The following ACADM variants were observed in gnomAD, a reference collection of about 807,000 sequenced individuals.
ACADM encodes acyl-CoA dehydrogenase medium chain.
A neutral mutation model predicts 58.9 loss-of-function variants in ACADM; 49 were observed. That is an observed-to-expected ratio of 0.83 (90% CI 0.66 to 1.06). The LOEUF is 1.06. Ranked by LOEUF, ACADM falls within the 50% of genes least tolerant of loss-of-function variation. The probability of loss-of-function intolerance (pLI) is 0.00; values close to 1 mark genes in which losing one functional copy is unlikely to be tolerated. For missense variants in ACADM, 496 were observed against 507.0 expected (o/e 0.98, Z 0.21); for synonymous variants, 160 against 157.7 (o/e 1.01, Z -0.11).
At position 75,724,972 on chromosome 1, in the gene ACADM, T is replaced by G. The variant is rs1008307621; in HGVS notation, c.30+155T>G. 2.6e-5 allele frequency among the ~76,000 whole-genome samples: 4 copies of G among 152,080 alleles called. No homozygotes were observed. The East Asian group carries it at 7.7e-4, about 29-fold the overall frequency. ...GGGGCCCCCAACCTGCTTTCACGCC[T>G]CCTACCACCGGACGGAACGTAGCCT... On this transcript the variant is annotated intron_variant, in intron 1 of 11. Coordinates refer to ENST00000370841, the MANE Select transcript of ACADM (RefSeq NM_000016.6).
intron 9 of ACADM, 75 bp downstream of exon 9, chr1:75,749,634 T>A: frequency 1.5e-6 from 2 of 1,355,066 alleles, no homozygotes; most frequent in Middle Eastern, 2.4e-4. Flanking sequence ...ACTTTAAAAT[T>A]GTATGTTCAG....
At chr1:75,737,999 C>A (rs1647362643) in intron 6 of ACADM, among the ~76,000 whole-genome samples, 1 of 152,118 alleles carries the variant, frequency 6.6e-6, no homozygotes, top group African/African-American at 2.4e-5. Context: ...CCACTGCAAC[C>A]TCTGCCTCCC....
intron 5 of ACADM, 52 bp downstream of exon 5, chr1:75,733,680 G>C (rs771854404): frequency 7.1e-7 from 1 of 1,412,176 alleles, no homozygotes; most frequent in African/African-American, 1.4e-5. Flanking sequence ...TAATGAGATA[G>C]TTACTCCTGA....
At chr1:75,753,795 C>CTTTTTTTCTTTTTTTTTTTTTTT (rs1648335684) in intron 10 of ACADM, among the ~76,000 whole-genome samples, 2 of 81,904 alleles carry the variant, frequency 2.4e-5, no homozygotes, top group African/African-American at 1.2e-4. Context: ...CTGATAGCTT[C>CTTTTTTTCTTTTTTTTTTTTTTT]TTTTTTTTTT....
At chr1:75,739,747 C>T (rs1261928870) in intron 6 of ACADM, among the ~76,000 whole-genome samples, 2 of 152,188 alleles carry the variant, frequency 1.3e-5, no homozygotes, top group African/African-American at 4.8e-5. Context: ...GCCAAGACTG[C>T]ATTGAGCCTC....
At chr1:75,755,862 G>T (rs1648476042) in intron 10 of ACADM, among the ~76,000 whole-genome samples, 1 of 152,148 alleles carries the variant, frequency 6.6e-6, no homozygotes, top group South Asian at 2.1e-4. Flanking sequence ...ACATCAAAAA[G>T]CTTATCCACC....
At chr1:75,748,278 T>TA (rs1648009945) in intron 8 of ACADM, among the ~76,000 whole-genome samples, 1 of 152,210 alleles carries the variant, frequency 6.6e-6, no homozygotes, top group African/African-American at 2.4e-5. Flanking sequence ...ACATGCCTGT[T>TA]ACAACTCCTC....
chr1:75,753,850 G>T, intron 10 of ACADM, among the ~76,000 whole-genome samples: 1 of 128,558 alleles, frequency 7.8e-6, no homozygotes. Context: ...AGGCTGGAGT[G>T]CAATGGTGTG....
intron 4 of ACADM, chr1:75,733,159 G>A (rs776622010): frequency 2.9e-5 from 46 of 1,612,214 alleles, no homozygotes; most frequent in Admixed American, 8.3e-5. Flanking sequence ...GGTAACTTCC[G>A]TTTCTAGAGT....
At chr1:75,760,999 G>C in intron 10 of ACADM, 123 bp from the exon 11 acceptor site, 2 of 917,220 alleles carry the variant, frequency 2.2e-6, no homozygotes, top group Non-Finnish European at 3.3e-6. Context: ...TTGAGGCCAG[G>C]AGTTGCAGAC....
chr1:75,752,235 GC>G (rs1202906754), intron 10 of ACADM, among the ~76,000 whole-genome samples: 1 of 151,966 alleles, frequency 6.6e-6, no homozygotes, highest in Non-Finnish European at 1.5e-5. Flanking sequence ...TTCCACCTCA[GC>G]CCCCCATGAG....
rs74090726 is a variant in ACADM at position 75,733,592 on chromosome 1, A to T, written c.351A>T (p.Thr117=). 6.2e-7 allele frequency: 1 copy of T among 1,614,072 alleles called. No homozygotes were observed. Among genetic ancestry groups the T allele is most frequent in the Non-Finnish European group, 8.5e-7 (1 of 1,179,996 alleles). ...GTGAAGAATTGGCTTATGGATGTAC[A>T]GGGGTTCAGACTGCTATTGAAGGAA... The part of the protein sequence containing the change: ...LISEELAYGC[T]GVQTAIEGNS... Residue 117 remains threonine, a synonymous_variant, in exon 5 of 12, where the codon ACA becomes ACT. Transcript: ENST00000370841.
intron 7 of ACADM, chr1:75,743,837 A>G (rs915479623): frequency 7.1e-6 from 10 of 1,410,108 alleles, no homozygotes; most frequent in Non-Finnish European, 9.1e-6. Context: ...ATGTCAATAT[A>G]ATCCCTATAT....
chr1:75,741,329 T>A (rs957007924), intron 7 of ACADM, among the ~76,000 whole-genome samples: 4 of 152,242 alleles, frequency 2.6e-5, no homozygotes, highest in Non-Finnish European at 5.9e-5. Context: ...ATCCTAAATA[T>A]ATTCAGTATT....
At chr1:75,733,250 C>A in intron 4 of ACADM, 1 of 1,494,848 alleles carries the variant, frequency 6.7e-7, no homozygotes, top group Non-Finnish European at 9.0e-7. Flanking sequence ...TTCTTTTCCT[C>A]AGACCCAGTT....
At chr1:75,731,525 GAT>G (rs1206099149) in intron 2 of ACADM, among the ~76,000 whole-genome samples, 1 of 152,134 alleles carries the variant, frequency 6.6e-6, no homozygotes, top group Non-Finnish European at 1.5e-5. Flanking sequence ...GATTTGAAAA[GAT>G]GCAGTTAGCA....
At chr1:75,757,378 A>T (rs992453769) in intron 10 of ACADM, among the ~76,000 whole-genome samples, 1 of 152,174 alleles carries the variant, frequency 6.6e-6, no homozygotes. Context: ...AATCAACCCT[A>T]TCAAAAAGTG....
In ACADM at chr1:75,725,431, C is replaced by CA. The variant is rs555242245; in HGVS notation, c.30+620dup. 2.0e-3 allele frequency among the ~76,000 whole-genome samples: 305 copies of CA among 152,188 alleles called. 2 individuals carry two copies. Among genetic ancestry groups the CA allele is most frequent in the Admixed American group, 2.2e-3 (33 of 15,288 alleles). On this transcript the variant is annotated intron_variant, in intron 1 of 11. Transcript: ENST00000370841. Reference sequence around the variant, plus strand: ...ATTAAGTTAAAGTTATGTCTTGGACCAAAAAAGCTGCGGTTTTAGAATAAT... The same window carrying CA: ...ATTAAGTTAAAGTTATGTCTTGGACCAAAAAAAGCTGCGGTTTTAGAATAAT...
chr1:75,755,545 G>T (rs1264830421), intron 10 of ACADM, among the ~76,000 whole-genome samples: 1 of 152,330 alleles, frequency 6.6e-6, no homozygotes, highest in African/African-American at 2.4e-5. Context: ...GCAGCTGAGG[G>T]TCCTGACTGA....
Sources: allele counts gnomAD v4.1 joint callset (sites outside exome capture counted in the v4.1 genomes callset), GRCh38; gene constraint gnomAD v4.1.1; transcripts MANE v1.5; gene names NCBI Gene and HGNC (gene_info 2026-07-23, HGNC 2026-07-21).